TRIO: variants seen among roughly 807,000 people sequenced by gnomAD.
TRIO encodes triple functional domain protein.
A neutral mutation model predicts 351.9 loss-of-function variants in TRIO; 58 were observed. That is an observed-to-expected ratio of 0.16 (90% CI 0.13 to 0.21). The LOEUF (loss-of-function observed/expected upper bound fraction) is 0.21, where lower values mean the gene tolerates loss of function less well. Among genes scored for constraint, TRIO ranks in the 10% least tolerant of loss-of-function variants. The pLI is 1.00. For missense variants in TRIO, 3,201 were observed against 4,027.8 expected, an observed-to-expected ratio of 0.79 and a Z score of 5.56; for synonymous variants, 1,758 against 1,595.7, an observed-to-expected ratio of 1.10 and a Z score of -2.42.
chr5:14,200,988 G>C (rs1369176040), intron 1 of TRIO, among the ~76,000 whole-genome samples: 1 of 151,786 alleles, frequency 6.6e-6, no homozygotes, highest in Non-Finnish European at 1.5e-5. Flanking sequence ...GCTGGGCGCG[G>C]TGGCTCACGC....
chr5:14,443,690 T>A (rs80029678), intron 34 of TRIO, among the ~76,000 whole-genome samples: 3,455 of 152,338 alleles, frequency 0.023, 46 homozygotes, highest in South Asian at 0.057. Flanking sequence ...GAACCAGTCT[T>A]GCTTGGAGTA....
At chr5:14,307,033 G>C (rs914120409) in intron 8 of TRIO, among the ~76,000 whole-genome samples, 2 of 152,152 alleles carry the variant, frequency 1.3e-5, no homozygotes, top group African/African-American at 4.8e-5. Context: ...ATTTGAACTG[G>C]ATGAACTGAA....
intron 37 of TRIO, 137 bp from the exon 38 acceptor site, chr5:14,471,181 A>C: frequency 2.5e-6 from 3 of 1,220,496 alleles, no homozygotes; most frequent in South Asian, 2.1e-5. Context: ...TAAATGCTAT[A>C]ATTTCACAAA....
At chr5:14,147,629 C>T (rs1787594460) in intron 1 of TRIO, among the ~76,000 whole-genome samples, 2 of 152,196 alleles carry the variant, frequency 1.3e-5, no homozygotes, top group African/African-American at 4.8e-5. Flanking sequence ...CCTCCTGCAG[C>T]CCCTGTCTTT....
chr5:14,382,778 T>C (rs897316575), intron 21 of TRIO, among the ~76,000 whole-genome samples: 2 of 149,496 alleles, frequency 1.3e-5, no homozygotes. Flanking sequence ...AGACATGGGA[T>C]CTTGCTCTGT....
intron 7 of TRIO, among the ~76,000 whole-genome samples, chr5:14,304,006 A>G (rs922793344): frequency 6.6e-6 from 1 of 152,202 alleles, no homozygotes; most frequent in Non-Finnish European, 1.5e-5. Context: ...AAAGGAAAGG[A>G]GTAAGGCTGA....
chr5:14,401,962 C>A (rs1350886242), intron 31 of TRIO, among the ~76,000 whole-genome samples: 1 of 152,106 alleles, frequency 6.6e-6, no homozygotes, highest in Non-Finnish European at 1.5e-5. Flanking sequence ...GTGAGTTACT[C>A]CCCTGTATGT....
At chr5:14,323,412 G>A (rs991591156) in intron 9 of TRIO, among the ~76,000 whole-genome samples, 3 of 152,148 alleles carry the variant, frequency 2.0e-5, no homozygotes, top group Non-Finnish European at 2.9e-5. Context: ...TAAAATCAAC[G>A]TGATACTGAA....
intron 9 of TRIO, among the ~76,000 whole-genome samples, chr5:14,318,227 G>GA (rs1292744039): frequency 1.4e-5 from 2 of 147,528 alleles, no homozygotes; most frequent in African/African-American, 5.1e-5. Context: ...CCAGGAGGCG[G>GA]AGGTTGCAGT....
chr5:14,152,842 G>A (rs1377514896), intron 1 of TRIO, among the ~76,000 whole-genome samples: 1 of 152,240 alleles, frequency 6.6e-6, no homozygotes, highest in Non-Finnish European at 1.5e-5. Flanking sequence ...CCATAGGAGA[G>A]CAGCTCTTCA....
At chr5:14,505,565 C>T (rs562828295) in intron 55 of TRIO, among the ~76,000 whole-genome samples, 3 of 152,288 alleles carry the variant, frequency 2.0e-5, no homozygotes, top group South Asian at 4.1e-4. Context: ...CGGGGCCCCT[C>T]GCCGGCAGGA....
intron 1 of TRIO, among the ~76,000 whole-genome samples, chr5:14,160,174 C>T (rs754238370): frequency 1.3e-5 from 2 of 152,144 alleles, no homozygotes; most frequent in African/African-American, 2.4e-5. Context: ...GAAACCTTCT[C>T]GCCAGTTATA....
intron 34 of TRIO, among the ~76,000 whole-genome samples, chr5:14,439,757 C>A (rs1023153788): frequency 1.3e-5 from 2 of 152,176 alleles, no homozygotes; most frequent in South Asian, 2.1e-4. Context: ...GGAAAAACAA[C>A]CTTACGCTTT....
intron 1 of TRIO, among the ~76,000 whole-genome samples, chr5:14,190,182 C>A (rs919632970): frequency 6.6e-6 from 1 of 152,034 alleles, no homozygotes; most frequent in African/African-American, 2.4e-5. Context: ...GAAATCTATT[C>A]CAAAGGAATT....
chr5:14,242,010 G>A (rs928061791), intron 1 of TRIO, among the ~76,000 whole-genome samples: 2 of 152,170 alleles, frequency 1.3e-5, no homozygotes, highest in Non-Finnish European at 2.9e-5. Context: ...CCATGTGCCG[G>A]GCACTGGTCA....
intron 22 of TRIO, 26 bp downstream of exon 22, chr5:14,387,658 A>C: frequency 6.2e-7 from 1 of 1,608,246 alleles, no homozygotes; most frequent in Non-Finnish European, 8.5e-7. Flanking sequence ...CAAACTGAAT[A>C]AATTATGGTC....
chr5:14,309,071 C>G (rs1272287751), intron 8 of TRIO, among the ~76,000 whole-genome samples: 2 of 14,584 alleles, frequency 1.4e-4, no homozygotes, highest in African/African-American at 3.0e-4. Context: ...CCACCACTTA[C>G]CCACCCACCC....
rs185590022 is a variant in TRIO at position 14,206,692 on chromosome 5, G to A, written c.157+62810G>A. Among the ~76,000 whole-genome samples, 19 of 152,274 alleles carry A rather than the reference G, an allele frequency of 1.2e-4. No homozygotes were observed. The East Asian group carries it at 3.3e-3, about 26-fold the overall frequency. On this transcript the variant is annotated intron_variant, in intron 1 of 56. Transcript: ENST00000344204. ...CTGTGTATGACTGAAGTACATATTC[G>A]TTATCTGCGTGAGACAGTACAGATT... is the stretch of plus-strand genomic sequence containing the variant.
Position 14,190,648 on chromosome 5 carries a change from C to T in TRIO, c.157+46766C>T, listed in dbSNP as rs79065247. Among the ~76,000 whole-genome samples, 704 of 152,182 alleles carry T rather than the reference C, an allele frequency of 4.6e-3. 8 individuals carry two copies. The highest frequency in any genetic ancestry group is 0.016 in the African/African-American group (664 of 41,506). On this transcript the variant is annotated intron_variant, in intron 1 of 56. Coordinates refer to ENST00000344204, the MANE Select transcript of TRIO (RefSeq NM_007118.4). The stretch of plus-strand genomic sequence containing the variant: ...AAAGAATGCTTTAAGTTGTCTTCTC[C>T]GACTGCCCCTTATTCACTTAAAGAC...
Sources: gnomAD v4.1 joint callset for allele counts (sites outside exome capture counted in the v4.1 genomes callset) on GRCh38, gnomAD v4.1.1 for gene constraint, MANE v1.5 for transcripts, NCBI Gene and HGNC (gene_info 2026-07-23, HGNC 2026-07-21) for gene names.